KIAA1217: variants seen among roughly 807,000 people sequenced by gnomAD.
The protein encoded by KIAA1217 is KIAA1217.
Under a neutral mutation model 163.9 loss-of-function variants are expected in KIAA1217, and 88 were observed. The ratio of observed to expected loss-of-function variants is 0.54; its 90% CI spans 0.45 to 0.64. The LOEUF (loss-of-function observed/expected upper bound fraction) is 0.64, where lower values mean the gene tolerates loss of function less well. KIAA1217 is among the 30% of genes least tolerant of loss of function. KIAA1217 has a pLI of 0.00. For missense variants in KIAA1217, 2,372 were observed against 2,475.0 expected (o/e 0.96, Z 0.88); for synonymous variants, 903 against 923.1 (o/e 0.98, Z 0.39).
intron 2 of KIAA1217, among the ~76,000 whole-genome samples, chr10:24,024,442 T>C (rs1847859072): frequency 6.6e-6 from 1 of 151,752 alleles, no homozygotes; most frequent in African/African-American, 2.4e-5. Context: ...AATAGTATTA[T>C]ATGGGCATTA....
At chr10:24,368,921 T>C (rs2051172477) in intron 2 of KIAA1217, 1 of 880,000 alleles carries the variant, frequency 1.1e-6, no homozygotes, top group Non-Finnish European at 1.4e-6. Context: ...CAATTACTTC[T>C]CACTTTATCA....
intron 2 of KIAA1217, among the ~76,000 whole-genome samples, chr10:24,289,885 TA>T (rs2078928605): frequency 6.6e-6 from 1 of 152,106 alleles, no homozygotes; most frequent in South Asian, 2.1e-4. Context: ...GGGCAAGTGC[TA>T]GATCATGGCA....
chr10:24,540,737 G>A (rs2074910768), intron 17 of KIAA1217, among the ~76,000 whole-genome samples: 1 of 152,158 alleles, frequency 6.6e-6, no homozygotes, highest in African/African-American at 2.4e-5. Flanking sequence ...ACCTTAGGCT[G>A]AAACCTTTTT....
chr10:24,299,155 C>T (rs2040986973), intron 2 of KIAA1217, among the ~76,000 whole-genome samples: 1 of 152,166 alleles, frequency 6.6e-6, no homozygotes, highest in South Asian at 2.1e-4. Flanking sequence ...AGCTATCTTA[C>T]TGGCTTTTAG....
At chr10:23,699,579 C>A (rs549434366) in intron 1 of KIAA1217, among the ~76,000 whole-genome samples, 6 of 152,314 alleles carry the variant, frequency 3.9e-5, no homozygotes, top group South Asian at 2.1e-4. Context: ...CCCACCTATG[C>A]AACTATGGGC....
At chr10:24,456,890 T>C (rs1368907679) in intron 5 of KIAA1217, among the ~76,000 whole-genome samples, 1 of 151,638 alleles carries the variant, frequency 6.6e-6, no homozygotes, top group Non-Finnish European at 1.5e-5. Context: ...TTTAGTAGAG[T>C]CAGGTTTCAC....
At chr10:23,710,780 T>C (rs1304530472) in intron 1 of KIAA1217, among the ~76,000 whole-genome samples, 1 of 152,142 alleles carries the variant, frequency 6.6e-6, no homozygotes, top group Non-Finnish European at 1.5e-5. Flanking sequence ...CAGAAACAAA[T>C]GCCATTACAA....
chr10:24,490,644 A>G (rs1271692770), intron 6 of KIAA1217, among the ~76,000 whole-genome samples: 1 of 152,180 alleles, frequency 6.6e-6, no homozygotes, highest in East Asian at 1.9e-4. Context: ...TCTCATTACC[A>G]TATGTCAAAA....
chr10:24,366,684 T>A (rs1322099678), intron 2 of KIAA1217, among the ~76,000 whole-genome samples: 1 of 152,134 alleles, frequency 6.6e-6, no homozygotes, highest in East Asian at 1.9e-4. Flanking sequence ...CAGGCCTGCT[T>A]TCGTGGAGCA....
At chr10:24,488,431 C>A (rs768897004) in intron 6 of KIAA1217, among the ~76,000 whole-genome samples, 1 of 152,124 alleles carries the variant, frequency 6.6e-6, no homozygotes, top group African/African-American at 2.4e-5. Context: ...GGAGACAGAA[C>A]GTAGCCAGTC....
chr10:24,524,751 C>A lies in KIAA1217; in HGVS notation c.2885C>A (p.Ala962Glu). Residue 962 changes from alanine (A) to glutamate (E), a missense_variant, in exon 13 of 21, where the codon GCA becomes GAA. Around this residue, in one of 3 missense-constraint regions of KIAA1217, gnomAD observed 1,431 missense variants for 1,470.3 expected, o/e 0.97. Transcript: ENST00000376454. ...CACAGTGTGAGTGCCAAGAACAGGG[C>A]AGTGTCTATCGAGGTAGAGTCCTAT... ...EIHSVSAKNR[A>E]VSIEKAEKKW... 1 of 1,594,044 alleles carries A rather than the reference C, an allele frequency of 6.3e-7. No homozygotes were observed. The highest frequency in any genetic ancestry group is 1.1e-5 in the South Asian group (1 of 89,194).
intron 2 of KIAA1217, among the ~76,000 whole-genome samples, chr10:24,246,153 G>A (rs2073781957): frequency 6.6e-6 from 1 of 152,164 alleles, no homozygotes; most frequent in South Asian, 2.1e-4. Flanking sequence ...CCGGTAAAGA[G>A]CCTCACAAAG....
At chr10:23,859,742 T>C (rs1028394312) in intron 1 of KIAA1217, among the ~76,000 whole-genome samples, 3 of 152,122 alleles carry the variant, frequency 2.0e-5, no homozygotes, top group African/African-American at 7.3e-5. Flanking sequence ...TTTAGCAAAA[T>C]TTCTAAGTAT....
chr10:24,503,065 A>G (rs867096005), intron 9 of KIAA1217, among the ~76,000 whole-genome samples: 31 of 152,210 alleles, frequency 2.0e-4, no homozygotes, highest in African/African-American at 7.2e-4. Context: ...CTCTAATAGG[A>G]AAAAGGCTTC....
chr10:24,282,823 C>CT lies in KIAA1217; in HGVS notation c.354+62941dup, dbSNP rs34486953. Reference sequence around the variant, plus strand: ...GTTCTTTGCTACTGAGGTGTTGCTTCTTTTTTTTTTTTTTTTTTTTTTTTT... The same window carrying CT: ...GTTCTTTGCTACTGAGGTGTTGCTTCTTTTTTTTTTTTTTTTTTTTTTTTTT... On this transcript the variant is annotated intron_variant, in intron 2 of 20. Transcript: ENST00000376454. Among the ~76,000 whole-genome samples, 261 of 46,298 alleles carry CT rather than the reference C, an allele frequency of 5.6e-3. 25 individuals carry two copies. The highest frequency in any genetic ancestry group is 6.8e-3 in the Non-Finnish European group (176 of 25,998). The allele number at this position is 46,298 out of a possible 152,430, so 30.4% of individuals were successfully genotyped here.
Position 23,830,303 on chromosome 10 carries a change from T to C in KIAA1217, c.-321+135069T>C, listed in dbSNP as rs116719465. On this transcript the variant is annotated intron_variant, in intron 1 of 18. Transcript: ENST00000376462. ...GCTGGAGCATAAACACAGTCCTTCGTTGACAGTGAAGTCTCTCTTGATTCG... is the reference window on the plus strand; with the variant it reads ...GCTGGAGCATAAACACAGTCCTTCGCTGACAGTGAAGTCTCTCTTGATTCG... Among the ~76,000 whole-genome samples, 1,375 of 152,310 alleles carry C rather than the reference T, an allele frequency of 9.0e-3. 23 individuals carry two copies. The highest frequency in any genetic ancestry group is 0.031 in the African/African-American group (1,307 of 41,568).
At chr10:24,164,360 G>T (rs768880830) in intron 2 of KIAA1217, among the ~76,000 whole-genome samples, 1 of 152,098 alleles carries the variant, frequency 6.6e-6, no homozygotes, top group Non-Finnish European at 1.5e-5. Context: ...TCCCCTACAG[G>T]CATTCTCTAC....
chr10:23,785,828 G>A (rs995620731), intron 1 of KIAA1217, among the ~76,000 whole-genome samples: 6 of 152,050 alleles, frequency 3.9e-5, no homozygotes, highest in African/African-American at 1.4e-4. Context: ...AAAGGGGCTG[G>A]AGTAAAAGAG....
At position 24,544,491 on chromosome 10, in the gene KIAA1217, T is replaced by C; in HGVS notation, c.5211+10T>C. The C allele has an allele frequency of 6.3e-7, 1 of 1,589,848 alleles. No individual in the cohort carries two copies. The highest frequency in any genetic ancestry group is 8.6e-7 in the Non-Finnish European group (1 of 1,167,454). ...TTCAGCTTCACGTAAGGTATCTTGG[T>C]CTGCTGGAAAATGAAAAGACCCAGC... On this transcript the variant is annotated intron_variant, in intron 19 of 20. Transcript: ENST00000376454.
Sources: gnomAD v4.1 joint callset for allele counts (sites outside exome capture counted in the v4.1 genomes callset) on GRCh38, gnomAD v4.1.1 for gene constraint, gnomAD v4.1.1 regional missense constraint, MANE v1.5 for transcripts, NCBI Gene and HGNC (gene_info 2026-07-23, HGNC 2026-07-21) for gene names.